MYO1E: variants seen among roughly 807,000 people sequenced by gnomAD.
MYO1E encodes the protein myosin IE.
Under a neutral mutation model 151.1 loss-of-function variants are expected in MYO1E, and 68 were observed. The ratio of observed to expected loss-of-function variants is 0.45; its 90% CI spans 0.37 to 0.55. MYO1E has a LOEUF of 0.55. MYO1E is among the 20% of genes least tolerant of loss of function. The pLI, the probability that MYO1E is intolerant of heterozygous loss-of-function variation, is 0.00. For synonymous variants in MYO1E, 601 were observed against 501.7 expected (o/e 1.20, Z -2.64); for missense variants, 1,363 against 1,389.3 (o/e 0.98, Z 0.30).
intron 16 of MYO1E, among the ~76,000 whole-genome samples, chr15:59,201,264 T>C (rs1336118195): frequency 6.6e-6 from 1 of 151,970 alleles, no homozygotes; most frequent in Non-Finnish European, 1.5e-5. Context: ...ACACCTCATT[T>C]TTATTTTTAG....
At chr15:59,252,183 T>C (rs2080168811) in intron 4 of MYO1E, among the ~76,000 whole-genome samples, 1 of 152,160 alleles carries the variant, frequency 6.6e-6, no homozygotes, top group South Asian at 2.1e-4. Context: ...AAGCTCATAT[T>C]CCCTAGCTTT....
intron 1 of MYO1E, among the ~76,000 whole-genome samples, chr15:59,283,093 G>A (rs1252312510): frequency 3.3e-5 from 5 of 150,472 alleles, no homozygotes; most frequent in Non-Finnish European, 7.4e-5. Context: ...CCAGGGAGAC[G>A]GGCGGTCAGA....
At chr15:59,371,389 C>G (rs1271841737) in intron 1 of MYO1E, among the ~76,000 whole-genome samples, 1 of 151,574 alleles carries the variant, frequency 6.6e-6, no homozygotes, top group African/African-American at 2.4e-5. Flanking sequence ...CTAAGCAGGA[C>G]TACTTGAAAA....
At chr15:59,297,437 ATTTTTTTTT>A (rs755470049) in intron 1 of MYO1E, among the ~76,000 whole-genome samples, 6 of 63,488 alleles carry the variant, frequency 9.5e-5, no homozygotes, top group South Asian at 7.8e-4. Context: ...CACCCAGCTA[ATTTTTTTTT>A]TTTTTTTTTT....
At chr15:59,217,828 T>C in intron 10 of MYO1E, 63 bp downstream of exon 10, 1 of 1,576,310 alleles carries the variant, frequency 6.3e-7, no homozygotes, top group Non-Finnish European at 8.7e-7. Context: ...GCACCCAGCC[T>C]ACTAGTTTTA....
chr15:59,152,088 G>A (rs2079484462), intron 26 of MYO1E, among the ~76,000 whole-genome samples: 1 of 151,842 alleles, frequency 6.6e-6, no homozygotes, highest in South Asian at 2.1e-4. Flanking sequence ...AATTAGCTGG[G>A]TGTGGTGGTG....
rs1280142085 is a variant in MYO1E, at chr15:59,310,431, G to A, written c.4-37982C>T. Among the ~76,000 whole-genome samples the A allele has an allele frequency of 4.6e-5, 7 of 152,118 alleles. 1 individual carries two copies. Among genetic ancestry groups the A allele is most frequent in the South Asian group, 4.1e-4 (2 of 4,828 alleles). ...CGGGCCTTAATCCAAGATAACTCAC[G>A]TCCTTAAAGAAGAGAAGAGACACAG... On this transcript the variant is annotated intron_variant, in intron 1 of 27. Transcript: ENST00000288235.
At position 59,231,639 on chromosome 15, in the gene MYO1E, T is replaced by C. The variant is rs1426475580; in HGVS notation, c.510+63A>G. The C allele has an allele frequency of 2.6e-6, 4 of 1,541,728 alleles. No individual in the cohort carries two copies. The East Asian group carries it at 9.0e-5, about 35-fold the overall frequency. On this transcript the variant is annotated intron_variant, in intron 6 of 27. Transcript: ENST00000288235. The stretch of plus-strand genomic sequence containing the variant: ...TCCCATTTCCTGTGGGATACTAGAC[T>C]TCAGTCAGAAGCATCAACATCATCA...
At chr15:59,315,443 C>A (rs2080582130) in intron 1 of MYO1E, among the ~76,000 whole-genome samples, 1 of 151,628 alleles carries the variant, frequency 6.6e-6, no homozygotes, top group Admixed American at 6.6e-5. Context: ...GCATGCTGGG[C>A]TTAATACCTA....
intron 4 of MYO1E, among the ~76,000 whole-genome samples, chr15:59,246,654 C>G (rs530462263): frequency 6.6e-6 from 1 of 152,250 alleles, no homozygotes; most frequent in Admixed American, 6.5e-5. Flanking sequence ...GGTGTCAGTG[C>G]TATCATGTCT....
chr15:59,216,723 C>CACACAT (rs1566981961), intron 10 of MYO1E, among the ~76,000 whole-genome samples: 3 of 116,412 alleles, frequency 2.6e-5, no homozygotes, highest in Admixed American at 2.6e-4. Context: ...CACACACACA[C>CACACAT]ATAATTATGC....
intron 26 of MYO1E, among the ~76,000 whole-genome samples, chr15:59,146,372 G>A (rs2079441682): frequency 6.6e-6 from 1 of 152,196 alleles, no homozygotes; most frequent in Admixed American, 6.5e-5. Context: ...CCGGAGTGCA[G>A]TGGAATGATC....
rs891327177 is a variant in MYO1E, at chr15:59,236,532, C to G, written c.420+53G>C. ...AATTCTTTTCTAACAGCAAATGGAG[C>G]CTCTTACATTTCCCATAACATAAGG... On this transcript the variant is annotated intron_variant, in intron 5 of 27. Coordinates refer to ENST00000288235, the MANE Select transcript of MYO1E (RefSeq NM_004998.4). 3 of 1,450,078 alleles carry G rather than the reference C, an allele frequency of 2.1e-6. No homozygotes were observed. In the African/African-American group the frequency reaches 4.2e-5, roughly 20 times the overall value. 89.8% of individuals were successfully genotyped at this position (1,450,078 alleles called of 1,614,324 possible).
At position 59,208,726 on chromosome 15, in the gene MYO1E, G is replaced by A. The variant is rs752683775; in HGVS notation, c.1485C>T (p.Phe495=). ...TGATGAAGCCTTGGTTCCAACTGTT[G>A]AAGTGCTCATGACTCCCAATCTGCA... ...LQMQIGSHEH[F]NSWNQGFIIH... is the part of the protein sequence containing the mutation. The change falls in exon 14 of 28, where the codon TTC becomes TTT. Residue 495 remains phenylalanine (F), a synonymous_variant. Coordinates refer to ENST00000288235, the MANE Select transcript of MYO1E (RefSeq NM_004998.4). The A allele has an allele frequency of 1.9e-6, 3 of 1,614,166 alleles. No individual in the cohort carries two copies. The highest frequency in any genetic ancestry group is 2.2e-5 in the South Asian group (2 of 91,078).
At chr15:59,255,668 A>G (rs1310935508) in intron 4 of MYO1E, among the ~76,000 whole-genome samples, 1 of 152,216 alleles carries the variant, frequency 6.6e-6, no homozygotes. Flanking sequence ...GGCCACACAT[A>G]AAATACACTA....
intron 13 of MYO1E, 148 bp downstream of exon 13, chr15:59,210,366 C>T (rs2079871478): frequency 3.0e-6 from 2 of 674,920 alleles, no homozygotes; most frequent in Non-Finnish European, 5.4e-6. Context: ...GTTCTCTTTT[C>T]ACACATACAG....
intron 15 of MYO1E, 109 bp downstream of exon 15, chr15:59,205,291 T>G: frequency 9.3e-7 from 1 of 1,071,794 alleles, no homozygotes; most frequent in Non-Finnish European, 1.4e-6. Context: ...GCCTCCTGAG[T>G]AGCTGGGACT....
intron 1 of MYO1E, among the ~76,000 whole-genome samples, chr15:59,369,181 C>T (rs918134632): frequency 7.2e-5 from 11 of 152,344 alleles, no homozygotes; most frequent in Non-Finnish European, 1.5e-4. Context: ...CCTAAAGGAA[C>T]TTACCTACCT....
intron 1 of MYO1E, among the ~76,000 whole-genome samples, chr15:59,298,637 G>C (rs1260871321): frequency 1.7e-4 from 26 of 152,142 alleles, no homozygotes; most frequent in African/African-American, 6.3e-4. Flanking sequence ...TCTCTTCCTT[G>C]ACTACAGTGG....
Sources: gnomAD v4.1 joint callset for allele counts (sites outside exome capture counted in the v4.1 genomes callset) on GRCh38, gnomAD v4.1.1 for gene constraint, MANE v1.5 for transcripts, NCBI Gene and HGNC (gene_info 2026-07-23, HGNC 2026-07-21) for gene names.